Variants in RDH11 observed in about 807,000 individuals in gnomAD.
The protein encoded by RDH11 is retinol dehydrogenase 11, also known as HCV core-binding protein HCBP12.
RDH11 carries 19 observed loss-of-function variants against 33.4 expected under a neutral mutation model. The observed-to-expected ratio is 0.57, with a 90% CI of 0.40 to 0.83. RDH11 has a LOEUF of 0.83. Among genes scored for constraint, RDH11 ranks in the 40% least tolerant of loss-of-function variants. The probability of loss-of-function intolerance (pLI) is 0.00; values close to 1 mark genes in which losing one functional copy is unlikely to be tolerated. For synonymous variants in RDH11, 154 were observed against 155.3 expected, an observed-to-expected ratio of 0.99 and a Z score of 0.06; for missense variants, 353 against 389.0, an observed-to-expected ratio of 0.91 and a Z score of 0.78.
At chr14:67,687,890 G>C (rs1405538065) in intron 5 of RDH11, among the ~76,000 whole-genome samples, 1 of 151,800 alleles carries the variant, frequency 6.6e-6, no homozygotes, top group African/African-American at 2.4e-5. Flanking sequence ...TCCTGCCTCA[G>C]CCTCTCCAGT....
At chr14:67,685,372 C>T (rs2037665332) in intron 5 of RDH11, among the ~76,000 whole-genome samples, 168 bp from the exon 6 acceptor site, 1 of 152,174 alleles carries the variant, frequency 6.6e-6, no homozygotes, top group Non-Finnish European at 1.5e-5. Context: ...TCTCACAGAT[C>T]TAAGAAGGCT....
rs759896508 is a variant in RDH11 at position 67,692,570 on chromosome 14, G to A, written c.217C>T (p.Arg73Trp). The A allele has an allele frequency of 2.1e-5, 34 of 1,600,128 alleles. No individual in the cohort carries two copies. Among genetic ancestry groups the A allele is most frequent in the African/African-American group, 4.0e-5 (3 of 74,190 alleles). Residue 73 changes from arginine to tryptophan, a missense_variant, in exon 3 of 7, where the codon CGG (arginine) becomes TGG (tryptophan). Coordinates refer to ENST00000381346, the MANE Select transcript of RDH11 (RefSeq NM_016026.4). ...ACCAATTCCCCCTTTTCCACATCCCGGCAAGCTAAATATACTCGAGCTCCT... is the reference window on the plus strand; with the variant it reads ...ACCAATTCCCCCTTTTCCACATCCCAGCAAGCTAAATATACTCGAGCTCCT... The part of the protein sequence containing the change: ...QRGARVYLAC[R>W]DVEKGELVAK...
intron 4 of RDH11, 40 bp downstream of exon 4, chr14:67,691,100 T>C (rs2037743802): frequency 3.7e-6 from 5 of 1,352,262 alleles, no homozygotes; most frequent in Non-Finnish European, 3.2e-6. Context: ...AAAGAGAATT[T>C]TGGGTCTCTC....
Position 67,695,690 on chromosome 14 carries a change from A to G in RDH11, c.14T>C (p.Met5Thr), listed in dbSNP as rs1322308188. ...CAGAAGGAGGAGCAACAGCGGGAAC[A>G]TGAGCTCAACCATCTCTGCCGGCTG... Reference protein sequence around the residue: MVELMFPLLLLLLPF... With the variant: MVELTFPLLLLLLPF... The change falls in exon 1 of 7, where the codon ATG becomes ACG. Residue 5 changes from methionine to threonine, a missense_variant. Physicochemically the swap from Met to Thr is moderately conservative, Grantham distance 81. Coordinates refer to ENST00000381346, the MANE Select transcript of RDH11 (RefSeq NM_016026.4). 2.5e-5 allele frequency: 41 copies of G among 1,614,066 alleles called. No homozygotes were observed. The highest frequency in any genetic ancestry group is 6.6e-5 in the South Asian group (6 of 91,096).
At chr14:67,695,549 G>A in intron 1 of RDH11, 81 bp downstream of exon 1, 1 of 1,428,260 alleles carries the variant, frequency 7.0e-7, no homozygotes, top group Non-Finnish European at 9.6e-7. Context: ...AGTTTTCCAA[G>A]AAAGCTTTGG....
intron 6 of RDH11, among the ~76,000 whole-genome samples, chr14:67,683,030 A>G (rs961444427): frequency 1.3e-5 from 2 of 152,260 alleles, no homozygotes; most frequent in Admixed American, 1.3e-4. Context: ...CAGTAAAGGC[A>G]AATTCTTAGA....
chr14:67,695,533 C>T, intron 1 of RDH11, 97 bp downstream of exon 1: 1 of 1,255,576 alleles, frequency 8.0e-7, no homozygotes, highest in Non-Finnish European at 1.1e-6. Flanking sequence ...GGAGCCCCCC[C>T]AGGGGAGTTT....
chr14:67,686,638 C>CCA (rs2037682350), intron 5 of RDH11, among the ~76,000 whole-genome samples: 6 of 80,188 alleles, frequency 7.5e-5, no homozygotes, highest in African/African-American at 3.0e-4. Flanking sequence ...GACACCGGTG[C>CCA]AAAAAAAAAA....
chr14:67,690,016 T>G (rs2037728931), intron 5 of RDH11, 196 bp downstream of exon 5: 4 of 564,012 alleles, frequency 7.1e-6, no homozygotes, highest in Non-Finnish European at 1.3e-5. Context: ...GCCTTCAGAC[T>G]CAAAGTCAGA....
At chr14:67,693,332 T>C (rs2037778934) in intron 1 of RDH11, among the ~76,000 whole-genome samples, 1 of 152,218 alleles carries the variant, frequency 6.6e-6, no homozygotes, top group African/African-American at 2.4e-5. Flanking sequence ...GGCACCTGGC[T>C]TTGGTTTGAG....
intron 5 of RDH11, among the ~76,000 whole-genome samples, chr14:67,686,637 G>GC (rs796921771): frequency 7.6e-4 from 20 of 26,358 alleles, no homozygotes; most frequent in African/African-American, 2.5e-3. Context: ...AGACACCGGT[G>GC]CAAAAAAAAA....
Position 67,678,315 on chromosome 14 carries a change from T to C in RDH11, c.*6A>G, listed in dbSNP as rs2037569462. The stretch of plus-strand genomic sequence containing the variant: ...GTCTTCTCTTGGGTCCAACTGGCAC[T>C]GCCTGTTAGTCTATTGGGAGGCCCA... On this transcript the variant is annotated 3_prime_UTR_variant, in exon 7 of 7. Coordinates refer to ENST00000381346, the MANE Select transcript of RDH11 (RefSeq NM_016026.4). 1.9e-6 allele frequency: 3 copies of C among 1,585,540 alleles called. No individual in the cohort carries two copies. The highest frequency in any genetic ancestry group is 2.6e-6 in the Non-Finnish European group (3 of 1,154,060).
At chr14:67,680,927 C>T (rs2037607944) in intron 6 of RDH11, among the ~76,000 whole-genome samples, 1 of 152,194 alleles carries the variant, frequency 6.6e-6, no homozygotes, top group Admixed American at 6.5e-5. Flanking sequence ...GACAGACATA[C>T]AAATGAACGG....
At chr14:67,682,021 G>A (rs573333152) in intron 6 of RDH11, among the ~76,000 whole-genome samples, 20 of 152,014 alleles carry the variant, frequency 1.3e-4, no homozygotes, top group Non-Finnish European at 2.8e-4. Context: ...ACCATGTGAT[G>A]CCCTCTGCCA....
chr14:67,686,709 C>T (rs914020775), intron 5 of RDH11, among the ~76,000 whole-genome samples: 3 of 150,518 alleles, frequency 2.0e-5, no homozygotes, highest in Non-Finnish European at 2.9e-5. Context: ...CATGCTATTT[C>T]AGGCCCCCAA....
Position 67,690,410 on chromosome 14 carries a change from G to T in RDH11, c.466C>A (p.Leu156Ile). The T allele has an allele frequency of 1.2e-6, 2 of 1,614,106 alleles. No homozygotes were observed. Among genetic ancestry groups the T allele is most frequent in the Non-Finnish European group, 1.7e-6 (2 of 1,179,954 alleles). ...IGVNHLGHFL[L>I]THLLLEKLKE... The stretch of plus-strand genomic sequence containing the variant: ...AGTTTCTCTAGCAGCAGATGGGTTA[G>T]GAGGAAGTGACCTGTTGAGAAATAC... Residue 156 changes from leucine (L) to isoleucine (I), a missense_variant, in exon 5 of 7, where the codon CTA becomes ATA. Leu to Ile is a conservative substitution (Grantham distance 5). Transcript: ENST00000381346.
intron 5 of RDH11, among the ~76,000 whole-genome samples, chr14:67,689,098 C>T (rs971222574): frequency 3.9e-5 from 6 of 152,202 alleles, no homozygotes; most frequent in African/African-American, 1.4e-4. Flanking sequence ...CCAGGCCACC[C>T]TAGCTCCCTG....
intron 6 of RDH11, among the ~76,000 whole-genome samples, chr14:67,682,513 A>G (rs971454821): frequency 5.9e-5 from 9 of 152,238 alleles, no homozygotes; most frequent in Non-Finnish European, 1.0e-4. Context: ...AATGTTCAAC[A>G]TCATTAGTAG....
Position 67,692,464 on chromosome 14 carries a change from C to T in RDH11, c.323G>A (p.Arg108Gln), listed in dbSNP as rs765716507. 1.1e-5 allele frequency: 18 copies of T among 1,614,008 alleles called. No homozygotes were observed. The highest frequency in any genetic ancestry group is 2.2e-5 in the East Asian group (1 of 44,890). ...AGCTAAGAAGCCCTTAGCAAAAGCT[C>T]GAATAGACTTAGTATCAGACAGGTC... ...KLDLSDTKSI[R>Q]AFAKGFLAEE... Residue 108 changes from arginine to glutamine, a missense_variant, in exon 3 of 7, where the codon CGA becomes CAA. Arg to Gln is a conservative substitution (Grantham distance 43). Coordinates refer to ENST00000381346, the MANE Select transcript of RDH11 (RefSeq NM_016026.4).
Sources: gnomAD v4.1 joint callset for allele counts (sites outside exome capture counted in the v4.1 genomes callset) on GRCh38, gnomAD v4.1.1 for gene constraint, MANE v1.5 for transcripts, NCBI Gene and HGNC (gene_info 2026-07-23, HGNC 2026-07-21) for gene names.